Variants in CTDSPL observed in about 807,000 individuals in gnomAD.
CTDSPL encodes the protein CTD small phosphatase like.
A neutral mutation model predicts 30.5 loss-of-function variants in CTDSPL; 8 were observed. That is an observed-to-expected ratio of 0.26 (90% CI 0.15 to 0.47). The LOEUF (loss-of-function observed/expected upper bound fraction) is 0.47. Ranked by LOEUF, CTDSPL falls within the 20% of genes least tolerant of loss-of-function variation. The probability of loss-of-function intolerance (pLI) is 0.99; values close to 1 mark genes in which losing one functional copy is unlikely to be tolerated. For synonymous variants in CTDSPL, 110 were observed against 137.9 expected (o/e 0.80, Z 1.42); for missense variants, 248 against 366.1 (o/e 0.68, Z 2.63).
chr3:37,971,648 CCATGTG>C lies in CTDSPL; in HGVS notation c.519+154_519+159del. 6 of 681,822 alleles carry C rather than the reference CCATGTG, an allele frequency of 8.8e-6. No individual in the cohort carries two copies. In the South Asian group the frequency reaches 1.1e-4, roughly 12 times the overall value. The allele number at this position is 681,822 out of a possible 1,614,324, so 42.2% of individuals were successfully genotyped here. On this transcript the variant is annotated intron_variant, in intron 6 of 7. Coordinates refer to ENST00000273179, the MANE Select transcript of CTDSPL (RefSeq NM_001008392.2). ...CCACCCCAGATGGGATGGATGCAGG[CCATGTG>C]CATGGTGCCAGTCTGAAAGCCTTCT...
intron 1 of CTDSPL, among the ~76,000 whole-genome samples, chr3:37,907,067 A>C (rs1232428766): frequency 1.3e-5 from 2 of 151,892 alleles, no homozygotes; most frequent in East Asian, 1.9e-4. Context: ...CCTGCCAAAA[A>C]CCCCCACTTC....
chr3:37,956,282 C>A (rs1391917326), intron 2 of CTDSPL, among the ~76,000 whole-genome samples: 2 of 152,180 alleles, frequency 1.3e-5, no homozygotes, highest in Non-Finnish European at 2.9e-5. Flanking sequence ...ATCACTGTAA[C>A]CCTCTTAATA....
At chr3:37,880,151 A>C (rs2125591842) in intron 1 of CTDSPL, among the ~76,000 whole-genome samples, 1 of 148,576 alleles carries the variant, frequency 6.7e-6, no homozygotes, top group African/African-American at 2.4e-5. Flanking sequence ...ATATATATAT[A>C]TCTTATTTCA....
At chr3:37,973,054 G>A (rs993313770) in intron 6 of CTDSPL, among the ~76,000 whole-genome samples, 8 of 152,230 alleles carry the variant, frequency 5.3e-5, no homozygotes, top group Non-Finnish European at 1.2e-4. Flanking sequence ...GGGCGGGAGA[G>A]CCCCACTTGC....
intron 1 of CTDSPL, among the ~76,000 whole-genome samples, chr3:37,917,944 G>A (rs916350541): frequency 1.5e-4 from 23 of 152,094 alleles, no homozygotes; most frequent in African/African-American, 5.6e-4. Context: ...TAAAGTTTTC[G>A]CAAAGAATTT....
At chr3:37,960,543 C>T (rs1450861015) in intron 3 of CTDSPL, among the ~76,000 whole-genome samples, 105 of 86,508 alleles carry the variant, frequency 1.2e-3, no homozygotes, top group African/African-American at 2.6e-3. Flanking sequence ...TATACACACA[C>T]ACACACACAC....
intron 1 of CTDSPL, among the ~76,000 whole-genome samples, chr3:37,866,594 A>G (rs954084533): frequency 1.3e-5 from 2 of 152,252 alleles, no homozygotes; most frequent in African/African-American, 2.4e-5. Flanking sequence ...AAACCAAAAA[A>G]ATCTCAATTA....
At chr3:37,863,083 G>T (rs575379080) in intron 1 of CTDSPL, among the ~76,000 whole-genome samples, 4 of 152,220 alleles carry the variant, frequency 2.6e-5, no homozygotes, top group African/African-American at 7.2e-5. Flanking sequence ...TGGAGTCTGG[G>T]GGGGAGAAGA....
At chr3:37,914,545 G>A (rs1698621796) in intron 1 of CTDSPL, among the ~76,000 whole-genome samples, 2 of 152,174 alleles carry the variant, frequency 1.3e-5, no homozygotes, top group East Asian at 3.8e-4. Flanking sequence ...ATAAATGGAT[G>A]TTGAATGTTA....
Position 37,975,690 on chromosome 3 carries a change from T to A in CTDSPL, c.520-19T>A, listed in dbSNP as rs1411200567. On this transcript the variant is annotated intron_variant, in intron 6 of 7. Coordinates refer to ENST00000273179, the MANE Select transcript of CTDSPL (RefSeq NM_001008392.2). This position sits in a 1 kb window ranked among gnomAD's most constrained non-coding sequence, Gnocchi z 4.9. Reference sequence around the variant, plus strand: ...GCTCTTTTAAACACCCAGCCTTCATTGTGACACGTCTTTTCCAGTATGCAG... The same window carrying A: ...GCTCTTTTAAACACCCAGCCTTCATAGTGACACGTCTTTTCCAGTATGCAG... 6.3e-7 allele frequency: 1 copy of A among 1,587,778 alleles called. No homozygotes were observed. Among genetic ancestry groups the A allele is most frequent in the Non-Finnish European group, 8.6e-7 (1 of 1,162,060 alleles).
intron 1 of CTDSPL, among the ~76,000 whole-genome samples, chr3:37,936,777 A>T (rs1698921206): frequency 6.6e-6 from 1 of 152,226 alleles, no homozygotes; most frequent in African/African-American, 2.4e-5. Flanking sequence ...GTGAAGAAAT[A>T]GCCTTCACTT....
intron 6 of CTDSPL, among the ~76,000 whole-genome samples, chr3:37,974,809 A>G (rs1287271652): frequency 6.6e-6 from 1 of 152,186 alleles, no homozygotes; most frequent in Non-Finnish European, 1.5e-5. Context: ...GTCTGGCCCA[A>G]GTGCCCAGAG....
intron 1 of CTDSPL, among the ~76,000 whole-genome samples, chr3:37,875,698 T>C (rs1265812708): frequency 1.3e-5 from 2 of 152,254 alleles, no homozygotes; most frequent in East Asian, 3.8e-4. Context: ...TCAGAAACCA[T>C]TGACTTTAAT....
At chr3:37,880,522 A>G (rs1463355766) in intron 1 of CTDSPL, among the ~76,000 whole-genome samples, 1 of 150,652 alleles carries the variant, frequency 6.6e-6, no homozygotes, top group Non-Finnish European at 1.5e-5. Flanking sequence ...AATGCACGTT[A>G]TTTTGTTGTT....
intron 1 of CTDSPL, among the ~76,000 whole-genome samples, chr3:37,931,994 A>AG (rs1423586933): frequency 6.6e-6 from 1 of 152,022 alleles, no homozygotes; most frequent in East Asian, 1.9e-4. Context: ...TGGAAAAAAA[A>AG]GTAAAAGGGA....
chr3:37,972,455 G>A (rs1387300433), intron 6 of CTDSPL, among the ~76,000 whole-genome samples: 1 of 152,142 alleles, frequency 6.6e-6, no homozygotes, highest in Admixed American at 6.5e-5. Context: ...TCATGCCACT[G>A]CACTCCACCC....
chr3:37,920,465 T>G (rs1383468353), intron 1 of CTDSPL, among the ~76,000 whole-genome samples: 1 of 152,212 alleles, frequency 6.6e-6, no homozygotes, highest in Admixed American at 6.5e-5. Flanking sequence ...TTGGTAGTTC[T>G]GTAGCTTTAC....
At position 37,862,353 on chromosome 3, in the gene CTDSPL, C is replaced by G; in HGVS notation, c.79+75C>G. ...CGCCGCTGGAGTTCACTGCCGGGCG[C>G]CGGCATGGGCCTGGGGGAGGGGTGC... On this transcript the variant is annotated intron_variant, in intron 1 of 7. Coordinates refer to ENST00000273179, the MANE Select transcript of CTDSPL (RefSeq NM_001008392.2). This position sits in a 1 kb window ranked among gnomAD's most constrained non-coding sequence, Gnocchi z 4.3. 7.8e-7 allele frequency: 1 copy of G among 1,282,252 alleles called. No individual in the cohort carries two copies. The highest frequency in any genetic ancestry group is 1.7e-5 in the South Asian group (1 of 60,058). The allele number at this position is 1,282,252 out of a possible 1,614,324, so 79.4% of individuals were successfully genotyped here.
At chr3:37,961,015 T>G (rs1699239285) in intron 3 of CTDSPL, among the ~76,000 whole-genome samples, 1 of 152,202 alleles carries the variant, frequency 6.6e-6, no homozygotes, top group Non-Finnish European at 1.5e-5. Flanking sequence ...TCCTTTATGC[T>G]CCTTGATTTT....
Sources: allele counts gnomAD v4.1 joint callset (sites outside exome capture counted in the v4.1 genomes callset), GRCh38; gene constraint gnomAD v4.1.1; non-coding constraint Gnocchi (gnomAD v3.1); transcripts MANE v1.5; gene names NCBI Gene and HGNC (gene_info 2026-07-23, HGNC 2026-07-21).